The following EXOG variants were observed in gnomAD, a reference collection of about 807,000 sequenced individuals.
EXOG encodes the protein exo/endonuclease G.
A neutral mutation model predicts 25.8 loss-of-function variants in EXOG; 27 were observed. That is an observed-to-expected ratio of 1.05 (90% CI 0.77 to 1.45). The LOEUF (loss-of-function observed/expected upper bound fraction) is 1.45, where lower values mean the gene tolerates loss of function less well. Ranked by LOEUF, EXOG falls within the 40% of genes most tolerant of loss-of-function variation. EXOG has a pLI of 0.00. For missense variants in EXOG, 458 were observed against 450.5 expected (o/e 1.02, Z -0.15); for synonymous variants, 133 against 167.0 (o/e 0.80, Z 1.57).
At chr3:38,523,310 C>G (rs1020861802) in intron 5 of EXOG, 95 of 1,282,242 alleles carry the variant, frequency 7.4e-5, no homozygotes, top group Non-Finnish European at 9.4e-5. Flanking sequence ...TTCCTTTGTC[C>G]TTTGTCCTAC....
At chr3:38,497,598 C>CA in intron 1 of EXOG, 31 bp from the exon 2 acceptor site, 1 of 1,503,452 alleles carries the variant, frequency 6.7e-7, no homozygotes, top group Non-Finnish European at 8.7e-7. Context: ...TTTGTCTCTG[C>CA]CCCCCCTTTT....
In EXOG at chr3:38,501,391, A is replaced by T; in HGVS notation, c.350A>T (p.Asp117Val). Residue 117 changes from aspartate to valine, a missense_variant, in exon 3 of 6, where the codon GAT becomes GTT. Asp to Val is a radical substitution (Grantham distance 152). Transcript: ENST00000287675. ...ADRKHCKFKP[D>V]PNIPPTFSAF... Reference sequence around the variant, plus strand: ...AGAAAGCATTGTAAATTTAAGCCTGATCCCAATATCCCTCCAACCTTCAGT... The same window carrying T: ...AGAAAGCATTGTAAATTTAAGCCTGTTCCCAATATCCCTCCAACCTTCAGT... The T allele has an allele frequency of 6.2e-7, 1 of 1,613,472 alleles. No homozygotes were observed. Among genetic ancestry groups the T allele is most frequent in the Non-Finnish European group, 8.5e-7 (1 of 1,179,448 alleles).
chr3:38,524,084 G>C lies in EXOG; in HGVS notation c.829G>C (p.Gly277Arg). Residue 277 changes from glycine to arginine, a missense_variant, in exon 6 of 6, where the codon GGA becomes CGA. Physicochemically the swap from Gly to Arg is moderately radical, Grantham distance 125. Transcript: ENST00000287675. The part of the protein sequence containing the change: ...VSLQDLEKLS[G>R]LVFFPHLDRT... ...CCTCCAGGACCTAGAGAAGTTGTCA[G>C]GACTGGTGTTTTTTCCTCATTTGGA... 2 of 1,614,176 alleles carry C rather than the reference G, an allele frequency of 1.2e-6. No homozygotes were observed. Among genetic ancestry groups the C allele is most frequent in the Non-Finnish European group, 1.7e-6 (2 of 1,180,018 alleles).
Position 38,524,205 on chromosome 3 carries a change from A to T in EXOG, c.950A>T (p.Glu317Val). 1 of 1,614,188 alleles carries T rather than the reference A, an allele frequency of 6.2e-7. No homozygotes were observed. The highest frequency in any genetic ancestry group is 8.5e-7 in the Non-Finnish European group (1 of 1,180,012). ...TTGTACTTGAGTACAAGAAAGATTGAAGGAGCCCGATCAGTGCTCAGACTG... is the reference window on the plus strand; with the variant it reads ...TTGTACTTGAGTACAAGAAAGATTGTAGGAGCCCGATCAGTGCTCAGACTG... ...FTLYLSTRKI[E>V]GARSVLRLEK... The change falls in exon 6 of 6, where the codon GAA (glutamate) becomes GTA (valine). Residue 317 changes from glutamate to valine, a missense_variant. By Grantham distance (121) the Glu-to-Val change is moderately radical. Transcript: ENST00000287675.
In EXOG at chr3:38,525,363, T is replaced by C. The variant is rs555444135; in HGVS notation, c.*1001T>C. 4 of 985,378 alleles carry C rather than the reference T, an allele frequency of 4.1e-6. No homozygotes were observed. The African/African-American group carries it at 7.0e-5, about 17-fold the overall frequency. The allele number at this position is 985,378 out of a possible 1,614,324, so 61.0% of individuals were successfully genotyped here. On this transcript the variant is annotated 3_prime_UTR_variant, in exon 6 of 6. Coordinates refer to ENST00000287675, the MANE Select transcript of EXOG (RefSeq NM_005107.4). ...CTTTTTACTCAGAAATATATACCTA[T>C]TTCCATGGGTATTTGTGGGCCTGAG...
intron 2 of EXOG, chr3:38,499,077 C>T: frequency 2.4e-6 from 1 of 414,246 alleles, no homozygotes; most frequent in Non-Finnish European, 4.8e-6. Context: ...GTGAATTAGT[C>T]TTTTTTGGTA....
intron 3 of EXOG, among the ~76,000 whole-genome samples, chr3:38,502,485 A>G (rs905100946): frequency 2.0e-5 from 3 of 152,214 alleles, no homozygotes; most frequent in African/African-American, 4.8e-5. Context: ...TACTTTACAT[A>G]TACATATGTA....
intron 5 of EXOG, chr3:38,523,242 A>G (rs763619339): frequency 9.3e-6 from 12 of 1,288,424 alleles, no homozygotes; most frequent in Non-Finnish European, 1.2e-5. Flanking sequence ...TGATTATGAG[A>G]TGAAGAGAAA....
intron 5 of EXOG, among the ~76,000 whole-genome samples, chr3:38,518,934 T>C (rs1238519053): frequency 4.6e-5 from 7 of 152,208 alleles, no homozygotes; most frequent in African/African-American, 1.7e-4. Context: ...TCATTCACAG[T>C]GTTACTCTTT....
At chr3:38,503,553 A>G in intron 3 of EXOG, 62 bp from the exon 4 acceptor site, 1 of 937,774 alleles carries the variant, frequency 1.1e-6, no homozygotes. Flanking sequence ...TGTCTTTTTA[A>G]TAAAATATCT....
chr3:38,507,026 C>T, intron 5 of EXOG, 58 bp downstream of exon 5: 1 of 747,284 alleles, frequency 1.3e-6, no homozygotes, highest in Admixed American at 2.6e-5. Flanking sequence ...ATCTCACTTT[C>T]CATTCTGCTT....
At chr3:38,498,873 A>G (rs1035743787) in intron 2 of EXOG, 6 of 455,800 alleles carry the variant, frequency 1.3e-5, no homozygotes, top group Non-Finnish European at 2.2e-5. Flanking sequence ...ATGTCTTGAT[A>G]GGGTCCTGTA....
intron 1 of EXOG, chr3:38,497,076 A>AC (rs2059913449): frequency 4.3e-6 from 1 of 233,358 alleles, no homozygotes; most frequent in Admixed American, 2.9e-4. Flanking sequence ...TATATTTGAC[A>AC]AAAAAAAAAA....
chr3:38,501,507 T>G lies in EXOG; in HGVS notation c.453+13T>G. 6.2e-7 allele frequency: 1 copy of G among 1,613,298 alleles called. No homozygotes were observed. The highest frequency in any genetic ancestry group is 8.5e-7 in the Non-Finnish European group (1 of 1,179,356). Reference sequence around the variant, plus strand: ...CAAATTTTCAAGTGTAGGCATACTTTGGGGGAGGGATGGGAATATGGGGCT... The same window carrying G: ...CAAATTTTCAAGTGTAGGCATACTTGGGGGGAGGGATGGGAATATGGGGCT... On this transcript the variant is annotated intron_variant, in intron 3 of 5. Coordinates refer to ENST00000287675, the MANE Select transcript of EXOG (RefSeq NM_005107.4).
rs1174247238 is a variant in EXOG, at chr3:38,525,775, T to C, written c.*1413T>C. 3 of 445,462 alleles carry C rather than the reference T, an allele frequency of 6.7e-6. No homozygotes were observed. Among genetic ancestry groups the C allele is most frequent in the Non-Finnish European group, 8.9e-6 (3 of 336,802 alleles). 27.6% of individuals were successfully genotyped at this position (445,462 alleles called of 1,614,324 possible). A position where few individuals can be genotyped will look rare whatever the true frequency, so the allele number is the denominator to read the frequency against. On this transcript the variant is annotated 3_prime_UTR_variant, in exon 6 of 6. Transcript: ENST00000287675. The stretch of plus-strand genomic sequence containing the variant: ...CTGGGCAACATAATGAAACCCTATC[T>C]TTACAAAAAAATACAAAAATTAGCT...
intron 4 of EXOG, among the ~76,000 whole-genome samples, chr3:38,504,478 C>T (rs974836564): frequency 4.6e-5 from 7 of 151,922 alleles, no homozygotes; most frequent in Admixed American, 1.3e-4. Context: ...CACTGTCGCC[C>T]GGGCTGGTGT....
chr3:38,502,326 C>T (rs2060071478), intron 3 of EXOG, among the ~76,000 whole-genome samples: 1 of 152,194 alleles, frequency 6.6e-6, no homozygotes, highest in Non-Finnish European at 1.5e-5. Context: ...AACTCCTAGG[C>T]TTATACGGTC....
chr3:38,525,804 C>T lies in EXOG; in HGVS notation c.*1442C>T, dbSNP rs77711084. 1.2e-5 allele frequency: 4 copies of T among 342,634 alleles called. No homozygotes were observed. Among genetic ancestry groups the T allele is most frequent in the African/African-American group, 2.2e-5 (1 of 44,880 alleles). The allele number at this position is 342,634 out of a possible 1,614,324, so 21.2% of individuals were successfully genotyped here. On this transcript the variant is annotated 3_prime_UTR_variant, in exon 6 of 6. Coordinates refer to ENST00000287675, the MANE Select transcript of EXOG (RefSeq NM_005107.4). ...CAAAAAAATACAAAAATTAGCTGGG[C>T]GTGGTGGTGCACACCTGTAGTCCCA...
chr3:38,514,768 C>G lies in EXOG; in HGVS notation c.645+7800C>G, dbSNP rs73825580. ...AATCCCTCTTTTCCACCCTCCCCCC[C>G]CTCCCCCTGCTTTTTTTTTTGAGAC... On this transcript the variant is annotated intron_variant, in intron 5 of 5. Transcript: ENST00000287675. 9.7e-4 allele frequency among the ~76,000 whole-genome samples: 114 copies of G among 117,888 alleles called. 1 individual carries two copies. In the South Asian group the frequency reaches 0.018, roughly 19 times the overall value. 77.3% of individuals were successfully genotyped at this position (117,888 alleles called of 152,430 possible). A position where few individuals can be genotyped will look rare whatever the true frequency, so the allele number is the denominator to read the frequency against.
Sources: gnomAD v4.1 joint callset for allele counts (sites outside exome capture counted in the v4.1 genomes callset) on GRCh38, gnomAD v4.1.1 for gene constraint, MANE v1.5 for transcripts, NCBI Gene and HGNC (gene_info 2026-07-23, HGNC 2026-07-21) for gene names.